Variants in KCNH8 observed in about 807,000 individuals in gnomAD.
KCNH8 encodes voltage-gated delayed rectifier potassium channel KCNH8.
A neutral mutation model predicts 103.6 loss-of-function variants in KCNH8; 70 were observed. The ratio of observed to expected loss-of-function variants is 0.68; its 90% confidence interval spans 0.56 to 0.82. The LOEUF (loss-of-function observed/expected upper bound fraction) is 0.82. Among genes scored for constraint, KCNH8 ranks in the 40% least tolerant of loss-of-function variants. KCNH8 has a pLI of 0.00. For synonymous variants in KCNH8, 498 were observed against 489.4 expected, an observed-to-expected ratio of 1.02 and a Z score of -0.23; for missense variants, 1,217 against 1,329.9, an observed-to-expected ratio of 0.92 and a Z score of 1.32.
At chr3:19,173,073 A>G (rs2063363360) in intron 1 of KCNH8, among the ~76,000 whole-genome samples, 1 of 152,200 alleles carries the variant, frequency 6.6e-6, no homozygotes, top group African/African-American at 2.4e-5. Flanking sequence ...CAGGCTACAT[A>G]TCAGAATTGC....
At chr3:19,187,188 A>G (rs1021677023) in intron 1 of KCNH8, among the ~76,000 whole-genome samples, 2 of 152,006 alleles carry the variant, frequency 1.3e-5, no homozygotes, top group Admixed American at 1.3e-4. Context: ...ATTAACATTT[A>G]ACCAATAGAG....
At chr3:19,156,182 C>G (rs963725567) in intron 1 of KCNH8, among the ~76,000 whole-genome samples, 2 of 152,160 alleles carry the variant, frequency 1.3e-5, no homozygotes, top group African/African-American at 4.8e-5. Flanking sequence ...TTGGGCATGT[C>G]TACATGCATG....
chr3:19,486,434 AGTTT>A (rs1315584740), intron 11 of KCNH8, among the ~76,000 whole-genome samples: 1 of 152,172 alleles, frequency 6.6e-6, no homozygotes, highest in Non-Finnish European at 1.5e-5. Context: ...CCCAAGGGTT[AGTTT>A]ATCTGCTTCT....
chr3:19,494,213 TACC>T (rs1030616940), intron 11 of KCNH8, among the ~76,000 whole-genome samples: 2 of 152,224 alleles, frequency 1.3e-5, no homozygotes, highest in Admixed American at 6.5e-5. Flanking sequence ...AGTGTACATG[TACC>T]ACATTTACTT....
chr3:19,248,811 C>T (rs1251312290), intron 1 of KCNH8, among the ~76,000 whole-genome samples: 1 of 152,114 alleles, frequency 6.6e-6, no homozygotes, highest in Non-Finnish European at 1.5e-5. Flanking sequence ...CCCGCATTCT[C>T]TTTGGGCTTA....
chr3:19,344,668 G>A (rs909959124), intron 4 of KCNH8, among the ~76,000 whole-genome samples: 1 of 152,036 alleles, frequency 6.6e-6, no homozygotes, highest in East Asian at 1.9e-4. Flanking sequence ...TAGAAGGAAG[G>A]CAGAAGGGAG....
rs888997739 is a variant in KCNH8 at position 19,248,860 on chromosome 3, G to A, written c.77-4794G>A. The stretch of plus-strand genomic sequence containing the variant: ...AAACAGTACATCTTCATTTGAAGGG[G>A]AAAGTGGTGCTCCATATTAGGAGAT... On this transcript the variant is annotated intron_variant, in intron 1 of 15. Coordinates refer to ENST00000328405, the MANE Select transcript of KCNH8 (RefSeq NM_144633.3). Among the ~76,000 whole-genome samples the A allele has an allele frequency of 4.6e-5, 7 of 152,272 alleles. No homozygotes were observed. The South Asian group carries it at 1.0e-3, about 23-fold the overall frequency.
At chr3:19,475,177 G>T (rs536710399) in intron 11 of KCNH8, among the ~76,000 whole-genome samples, 3 of 152,176 alleles carry the variant, frequency 2.0e-5, no homozygotes, top group African/African-American at 7.2e-5. Context: ...TTCCAATGGG[G>T]TCACTTGTCT....
chr3:19,359,174 G>GA (rs574500028), intron 5 of KCNH8, among the ~76,000 whole-genome samples: 2 of 151,862 alleles, frequency 1.3e-5, no homozygotes, highest in East Asian at 1.9e-4. Flanking sequence ...AGAGGAATTG[G>GA]AAAAAAGATC....
At chr3:19,391,991 A>G (rs1281439204) in intron 6 of KCNH8, among the ~76,000 whole-genome samples, 5 of 151,872 alleles carry the variant, frequency 3.3e-5, no homozygotes, top group East Asian at 1.9e-4. Flanking sequence ...ATACAATTCC[A>G]TTTTAAATTA....
chr3:19,450,366 G>A (rs189297094), intron 9 of KCNH8, 61 bp downstream of exon 9: 2 of 1,317,272 alleles, frequency 1.5e-6, no homozygotes, highest in East Asian at 2.3e-5. Flanking sequence ...GTAAACGCAA[G>A]ATGTTCTAAT....
intron 7 of KCNH8, among the ~76,000 whole-genome samples, chr3:19,412,633 T>C (rs1012841405): frequency 1.1e-4 from 16 of 151,980 alleles, no homozygotes; most frequent in South Asian, 2.1e-4. Context: ...TGGCAAACTA[T>C]GCATCCAACA....
chr3:19,515,480 G>A (rs771050721), intron 14 of KCNH8, 52 bp downstream of exon 14: 1 of 907,440 alleles, frequency 1.1e-6, no homozygotes, highest in South Asian at 2.3e-5. Flanking sequence ...TTATTAACTT[G>A]TAATGTTTGT....
chr3:19,390,568 C>CTA lies in KCNH8; in HGVS notation c.899_900insTA (p.Thr301LysfsTer8), dbSNP rs754767148. 1.2e-6 allele frequency: 2 copies of CTA among 1,613,498 alleles called. No individual in the cohort carries two copies. Among genetic ancestry groups the CTA allele is most frequent in the Non-Finnish European group, 8.5e-7 (1 of 1,179,610 alleles). ...AGATCAATTTGCATCCACTATGTCA[C>CTA]AACCTGGTTCATCATTGATTTAATC... On this transcript the variant is annotated frameshift_variant, in exon 6 of 16. Transcript: ENST00000328405. LOFTEE classifies it high-confidence loss of function.
intron 1 of KCNH8, among the ~76,000 whole-genome samples, chr3:19,250,666 G>A (rs1376520514): frequency 6.6e-6 from 1 of 152,062 alleles, no homozygotes; most frequent in Non-Finnish European, 1.5e-5. Context: ...ATCTATTTTT[G>A]TCTTATTCCA....
chr3:19,455,151 A>G (rs754718695), intron 10 of KCNH8, among the ~76,000 whole-genome samples: 14 of 152,164 alleles, frequency 9.2e-5, no homozygotes, highest in Non-Finnish European at 1.9e-4. Flanking sequence ...AGATGTGCAG[A>G]CATTTCTTAA....
chr3:19,258,947 C>CTCTCTCTATATATATATATA (rs1321918245), intron 2 of KCNH8, among the ~76,000 whole-genome samples: 4 of 24,796 alleles, frequency 1.6e-4, no homozygotes, highest in Non-Finnish European at 2.4e-4. Flanking sequence ...CTCTCTCTCT[C>CTCTCTCTATATATATATATA]TATATATATA....
At chr3:19,346,027 C>A (rs1409131856) in intron 4 of KCNH8, among the ~76,000 whole-genome samples, 1 of 151,982 alleles carries the variant, frequency 6.6e-6, no homozygotes, top group Non-Finnish European at 1.5e-5. Flanking sequence ...GATGTTCCCT[C>A]AAACAATGTA....
intron 3 of KCNH8, among the ~76,000 whole-genome samples, chr3:19,323,576 C>T (rs1021552554): frequency 6.6e-6 from 1 of 152,046 alleles, no homozygotes; most frequent in Non-Finnish European, 1.5e-5. Context: ...TGTTAAAGAA[C>T]CTTGTTTTGT....
Sources: gnomAD v4.1 joint callset for allele counts (sites outside exome capture counted in the v4.1 genomes callset) on GRCh38, gnomAD v4.1.1 for gene constraint, MANE v1.5 for transcripts, NCBI Gene and HGNC (gene_info 2026-07-23, HGNC 2026-07-21) for gene names.